The following ELAVL2 variants were observed in gnomAD, a reference collection of about 807,000 sequenced individuals.
ELAVL2 encodes the protein ELAV-like protein 2.
In ELAVL2, 4 loss-of-function variants were observed where a neutral mutation model predicts 34.6. That is an observed-to-expected ratio of 0.12 (90% CI 0.06 to 0.26). The LOEUF is 0.26. Ranked by LOEUF, ELAVL2 falls within the 10% of genes least tolerant of loss-of-function variation. ELAVL2 has a pLI of 1.00. For synonymous variants in ELAVL2, 193 were observed against 154.8 expected (o/e 1.25, Z -1.83); for missense variants, 432 against 442.8 (o/e 0.98, Z 0.22).
intron 1 of ELAVL2, among the ~76,000 whole-genome samples, chr9:23,813,159 T>C (rs986442725): frequency 5.3e-5 from 8 of 151,942 alleles, no homozygotes; most frequent in Admixed American, 2.0e-4. Flanking sequence ...TGCTCAGGAG[T>C]AGATTAATAT....
chr9:23,845,010 G>C, the ELAVL2 span, among the ~76,000 whole-genome samples: 27 of 151,850 alleles, frequency 1.8e-4, no homozygotes, highest in African/African-American at 6.5e-4. Context: ...TTTTCCAAGT[G>C]AAATGATCAT....
intron 5 of ELAVL2, among the ~76,000 whole-genome samples, chr9:23,698,673 C>T (rs376288992): frequency 1.6e-4 from 23 of 147,092 alleles, no homozygotes; most frequent in Non-Finnish European, 2.3e-4. Flanking sequence ...GATTTAGACT[C>T]GAACTACAGA....
At chr9:23,771,606 A>G (rs2057322984) in intron 1 of ELAVL2, among the ~76,000 whole-genome samples, 2 of 152,150 alleles carry the variant, frequency 1.3e-5, no homozygotes, top group African/African-American at 4.8e-5. Flanking sequence ...AGCAAATATA[A>G]AATCACAAAT....
At chr9:23,763,543 G>A (rs2055539146) in intron 1 of ELAVL2, among the ~76,000 whole-genome samples, 1 of 151,980 alleles carries the variant, frequency 6.6e-6, no homozygotes, top group Non-Finnish European at 1.5e-5. Flanking sequence ...CATAGAAAAG[G>A]CAAAGAACTT....
At chr9:23,849,016 G>T in the ELAVL2 span, among the ~76,000 whole-genome samples, 39 of 151,742 alleles carry the variant, frequency 2.6e-4, no homozygotes, top group Non-Finnish European at 2.2e-4. Context: ...GTGCAAAACA[G>T]GCCAAACAAT....
chr9:23,808,725 T>C (rs2062576924), intron 1 of ELAVL2, among the ~76,000 whole-genome samples: 1 of 152,210 alleles, frequency 6.6e-6, no homozygotes, highest in Non-Finnish European at 1.5e-5. Flanking sequence ...AATTGCCACA[T>C]TTCTTTGAGA....
chr9:23,725,783 T>C (rs183589731), intron 3 of ELAVL2, among the ~76,000 whole-genome samples: 1 of 152,290 alleles, frequency 6.6e-6, no homozygotes, highest in African/African-American at 2.4e-5. Flanking sequence ...CTGCTTTTCA[T>C]CAAATCATTT....
chr9:23,758,780 C>T (rs896914358), intron 2 of ELAVL2, among the ~76,000 whole-genome samples: 1 of 152,080 alleles, frequency 6.6e-6, no homozygotes, highest in Admixed American at 6.6e-5. Flanking sequence ...GTTTTCTTTA[C>T]TGCTGGATTT....
intron 1 of ELAVL2, among the ~76,000 whole-genome samples, chr9:23,818,236 C>T (rs540691482): frequency 1.3e-5 from 2 of 152,236 alleles, no homozygotes; most frequent in South Asian, 4.1e-4. Context: ...ATAAAGCCTT[C>T]AAACAGTTCT....
chr9:23,848,809 T>C, the ELAVL2 span, among the ~76,000 whole-genome samples: 2 of 152,180 alleles, frequency 1.3e-5, no homozygotes, highest in African/African-American at 4.8e-5. Flanking sequence ...AACAAAACAA[T>C]TCCTTTCAGT....
In ELAVL2 at chr9:23,788,625, C is replaced by CT. The variant is rs368006056; in HGVS notation, c.-15-26377dup. Among the ~76,000 whole-genome samples, 408 of 152,284 alleles carry CT rather than the reference C, an allele frequency of 2.7e-3. 2 individuals are homozygous for CT. The highest frequency in any genetic ancestry group is 9.1e-3 in the African/African-American group (379 of 41,560). ...TTTTCTTTAAGTCGAGAACTTTCACCTTTTTACTTAAAGGGAACATGGAGC... is the reference window on the plus strand; with the variant it reads ...TTTTCTTTAAGTCGAGAACTTTCACCTTTTTTACTTAAAGGGAACATGGAGC... On this transcript the variant is annotated intron_variant, in intron 1 of 6. Transcript: ENST00000397312.
chr9:23,740,999 A>C lies in ELAVL2; in HGVS notation c.230-9874T>G, dbSNP rs2049024748. ...GTCTCTGCCCTCTAAGATGCTCAAAAATTTTAAGCCCAACACAGTAAACAA... is the reference window on the plus strand; with the variant it reads ...GTCTCTGCCCTCTAAGATGCTCAAACATTTTAAGCCCAACACAGTAAACAA... On this transcript the variant is annotated intron_variant, in intron 2 of 6. Transcript: ENST00000397312. Among the ~76,000 whole-genome samples, 7 of 152,298 alleles carry C rather than the reference A, an allele frequency of 4.6e-5. No homozygotes were observed. The South Asian group carries it at 1.0e-3, about 23-fold the overall frequency.
chr9:23,795,174 TA>T (rs1205126388), intron 1 of ELAVL2, among the ~76,000 whole-genome samples: 54 of 152,176 alleles, frequency 3.5e-4, no homozygotes, highest in Admixed American at 3.5e-3. Flanking sequence ...AGGCTCATTA[TA>T]ATTAAGTGGG....
At position 23,789,405 on chromosome 9, in the gene ELAVL2, T is replaced by A. The variant is rs141851018; in HGVS notation, c.-15-27156A>T. ...ATTAAATTTATGCTACATACAAAAT[T>A]ACGTATTAAAATGCATATGTGTCCT... On this transcript the variant is annotated intron_variant, in intron 1 of 6. Transcript: ENST00000397312. Among the ~76,000 whole-genome samples the A allele has an allele frequency of 3.3e-5, 5 of 152,326 alleles. No homozygotes were observed. The South Asian group carries it at 6.2e-4, about 19-fold the overall frequency.
At chr9:23,700,750 G>A (rs949879381) in intron 5 of ELAVL2, among the ~76,000 whole-genome samples, 48 of 152,144 alleles carry the variant, frequency 3.2e-4, no homozygotes, top group African/African-American at 1.1e-3. Flanking sequence ...TGAAAAGGAA[G>A]AGAGGAACTC....
chr9:23,790,425 T>C (rs1024985325), intron 1 of ELAVL2, among the ~76,000 whole-genome samples: 2 of 152,176 alleles, frequency 1.3e-5, no homozygotes, highest in African/African-American at 4.8e-5. Flanking sequence ...TTGGAATAGA[T>C]TTTCTACTTA....
intron 5 of ELAVL2, among the ~76,000 whole-genome samples, chr9:23,700,530 G>A (rs949997306): frequency 6.6e-6 from 1 of 152,168 alleles, no homozygotes; most frequent in Non-Finnish European, 1.5e-5. Flanking sequence ...ACTACAGAGA[G>A]GTCAGTAAAT....
chr9:23,838,610 C>G, the ELAVL2 span, among the ~76,000 whole-genome samples: 1 of 152,022 alleles, frequency 6.6e-6, no homozygotes, highest in Non-Finnish European at 1.5e-5. Context: ...TAATTATATA[C>G]AATAACATAA....
chr9:23,818,836 A>C (rs1455083186), intron 1 of ELAVL2, among the ~76,000 whole-genome samples: 1 of 152,254 alleles, frequency 6.6e-6, no homozygotes, highest in African/African-American at 2.4e-5. Context: ...AAGAAGCTTA[A>C]GAAGCTATTT....
Sources: allele counts gnomAD v4.1 joint callset (sites outside exome capture counted in the v4.1 genomes callset), GRCh38; gene constraint gnomAD v4.1.1; transcripts MANE v1.5; gene names NCBI Gene and HGNC (gene_info 2026-07-23, HGNC 2026-07-21).